Variants in HTR4 observed in about 807,000 individuals in gnomAD.
The protein encoded by HTR4 is 5-hydroxytryptamine receptor 4, also known as 5-hydroxytryptamine (serotonin) receptor 4, G protein-coupled.
Under a neutral mutation model 36.8 loss-of-function variants are expected in HTR4, and 16 were observed. The observed-to-expected ratio is 0.43, with a 90% confidence interval of 0.29 to 0.66. The LOEUF (loss-of-function observed/expected upper bound fraction) is 0.66. HTR4 is among the 30% of genes least tolerant of loss of function. The probability of loss-of-function intolerance (pLI) is 0.13; values close to 1 mark genes in which losing one functional copy is unlikely to be tolerated. For synonymous variants in HTR4, 189 were observed against 185.1 expected (o/e 1.02, Z -0.17); for missense variants, 438 against 490.9 (o/e 0.89, Z 1.02).
intron 5 of HTR4, among the ~76,000 whole-genome samples, chr5:148,455,038 C>T (rs1755066483): frequency 6.6e-6 from 1 of 152,162 alleles, no homozygotes; most frequent in Non-Finnish European, 1.5e-5. Context: ...AGAAATCATA[C>T]ACAGCTCAAT....
At chr5:148,481,472 A>AT, downstream of HTR4, 1 of 1,144,198 alleles carries the variant, frequency 8.7e-7, no homozygotes, top group Non-Finnish European at 1.2e-6. Flanking sequence ...TTCAGAGGCT[A>AT]TTTTCCTTCC....
intron 4 of HTR4, among the ~76,000 whole-genome samples, chr5:148,544,544 A>G (rs937764249): frequency 2.0e-5 from 3 of 152,166 alleles, no homozygotes; most frequent in Admixed American, 1.3e-4. Flanking sequence ...CTAGTACTCT[A>G]TCATGACTAC....
chr5:148,506,036 A>C (rs1757186085), intron 6 of HTR4, among the ~76,000 whole-genome samples: 1 of 152,182 alleles, frequency 6.6e-6, no homozygotes, highest in Non-Finnish European at 1.5e-5. Flanking sequence ...TAAAATTCAT[A>C]TGGAACCAAA....
chr5:148,588,610 G>A (rs1761439880), intron 2 of HTR4, among the ~76,000 whole-genome samples: 1 of 144,620 alleles, frequency 6.9e-6, no homozygotes, highest in African/African-American at 2.6e-5. Flanking sequence ...GCGCAATCTC[G>A]GCTCACTGCA....
At chr5:148,559,037 A>G (rs745853435) in intron 2 of HTR4, among the ~76,000 whole-genome samples, 1 of 152,190 alleles carries the variant, frequency 6.6e-6, no homozygotes, top group Non-Finnish European at 1.5e-5. Flanking sequence ...GAAAGCTTAC[A>G]TGGGCCTAGA....
chr5:148,586,096 T>G (rs1279049859), intron 2 of HTR4, among the ~76,000 whole-genome samples: 2 of 152,070 alleles, frequency 1.3e-5, no homozygotes, highest in Admixed American at 6.6e-5. Flanking sequence ...CAGCTGAAAT[T>G]AACTTACTAA....
At chr5:148,504,720 A>C (rs570979545) in intron 6 of HTR4, among the ~76,000 whole-genome samples, 1 of 152,128 alleles carries the variant, frequency 6.6e-6, no homozygotes, top group Non-Finnish European at 1.5e-5. Context: ...TTTTTTGAAA[A>C]GATCAACAAA....
At chr5:148,567,493 A>G (rs1157784688) in intron 2 of HTR4, among the ~76,000 whole-genome samples, 1 of 152,132 alleles carries the variant, frequency 6.6e-6, no homozygotes, top group East Asian at 1.9e-4. Flanking sequence ...CAGCTCATGC[A>G]GAATATCCCA....
chr5:148,506,045 A>AAAAAGAGC (rs541235822), intron 6 of HTR4, among the ~76,000 whole-genome samples: 223 of 152,286 alleles, frequency 1.5e-3, no homozygotes, highest in African/African-American at 5.1e-3. Flanking sequence ...TATGGAACCA[A>AAAAAGAGC]AAAAGAGCCC....
At chr5:148,571,037 C>G (rs1760655160) in intron 2 of HTR4, among the ~76,000 whole-genome samples, 1 of 151,938 alleles carries the variant, frequency 6.6e-6, no homozygotes, top group Non-Finnish European at 1.5e-5. Flanking sequence ...AGAGGAAGGA[C>G]AGGTTTCACA....
chr5:148,456,756 G>C (rs1755111198), intron 5 of HTR4, among the ~76,000 whole-genome samples: 1 of 152,216 alleles, frequency 6.6e-6, no homozygotes, highest in Non-Finnish European at 1.5e-5. Flanking sequence ...GAATGCCTTG[G>C]TTCAAATCCT....
At chr5:148,587,412 G>A (rs1029549962) in intron 2 of HTR4, among the ~76,000 whole-genome samples, 1 of 152,118 alleles carries the variant, frequency 6.6e-6, no homozygotes, top group Non-Finnish European at 1.5e-5. Context: ...GACCAAAGTG[G>A]TCTGGCACAG....
At chr5:148,599,544 T>C (rs768284772) in intron 2 of HTR4, among the ~76,000 whole-genome samples, 1 of 151,818 alleles carries the variant, frequency 6.6e-6, no homozygotes, top group Non-Finnish European at 1.5e-5. Flanking sequence ...GAAATTATCC[T>C]TCAAAAGTGA....
intron 4 of HTR4, among the ~76,000 whole-genome samples, chr5:148,547,257 G>A (rs1241511352): frequency 6.6e-6 from 1 of 152,096 alleles, no homozygotes; most frequent in African/African-American, 2.4e-5. Context: ...TTAAAAGTGT[G>A]TATGTTAGAT....
intron 5 of HTR4, among the ~76,000 whole-genome samples, chr5:148,517,840 T>C (rs1422610342): frequency 6.6e-6 from 1 of 152,292 alleles, no homozygotes; most frequent in Non-Finnish European, 1.5e-5. Flanking sequence ...ACTCATTTGC[T>C]CAATACTCTG....
chr5:148,499,858 G>T (rs1756857752), intron 6 of HTR4, among the ~76,000 whole-genome samples: 1 of 152,152 alleles, frequency 6.6e-6, no homozygotes, highest in South Asian at 2.1e-4. Context: ...GTTAAAAAGA[G>T]TCTAGCATCT....
intron 5 of HTR4, among the ~76,000 whole-genome samples, chr5:148,464,859 T>C (rs983846413): frequency 6.6e-6 from 1 of 152,122 alleles, no homozygotes; most frequent in Non-Finnish European, 1.5e-5. Context: ...GGATAAATTG[T>C]AGTGCTTCTG....
Position 148,481,817 on chromosome 5 carries a change from A to G in HTR4, c.*1386T>C, listed in dbSNP as rs1455235576. 1.5e-6 allele frequency: 2 copies of G among 1,344,642 alleles called. No homozygotes were observed. Among genetic ancestry groups the G allele is most frequent in the Non-Finnish European group, 1.9e-6 (2 of 1,055,150 alleles). The allele number at this position is 1,344,642 out of a possible 1,614,324, so 83.3% of individuals were successfully genotyped here. A position where few individuals can be genotyped will look rare whatever the true frequency, so the allele number is the denominator to read the frequency against. ...TATGGGGCATTCGCAAGAGCCACTG[A>G]CTCAGCTTTGAATAAAAGACATCCA... is the stretch of plus-strand genomic sequence containing the variant. On this transcript the variant is annotated 3_prime_UTR_variant, in exon 7 of 7. Transcript: ENST00000377888.
intron 4 of HTR4, among the ~76,000 whole-genome samples, chr5:148,524,580 A>G (rs1417084469): frequency 6.6e-6 from 1 of 152,158 alleles, no homozygotes; most frequent in Non-Finnish European, 1.5e-5. Context: ...CTGGCCTTGG[A>G]GATCACCTCT....
Sources: gnomAD v4.1 joint callset for allele counts (sites outside exome capture counted in the v4.1 genomes callset) on GRCh38, gnomAD v4.1.1 for gene constraint, MANE v1.5 for transcripts, NCBI Gene and HGNC (gene_info 2026-07-23, HGNC 2026-07-21) for gene names.